The following HUNK variants were observed in gnomAD, a reference collection of about 807,000 sequenced individuals.
HUNK encodes hormonally up-regulated neu tumor-associated kinase.
A neutral mutation model predicts 61.0 loss-of-function variants in HUNK; 21 were observed. The observed-to-expected ratio is 0.34, with a 90% CI of 0.24 to 0.50. The LOEUF (loss-of-function observed/expected upper bound fraction) is 0.50. HUNK is among the 20% of genes least tolerant of loss of function. The probability of loss-of-function intolerance (pLI) is 0.98; values close to 1 mark genes in which losing one functional copy is unlikely to be tolerated. For missense variants in HUNK, 772 were observed against 945.7 expected (o/e 0.82, Z 2.41); for synonymous variants, 371 against 386.1 (o/e 0.96, Z 0.46).
chr21:31,980,482 T>G (rs2053089355), intron 7 of HUNK, among the ~76,000 whole-genome samples: 1 of 151,826 alleles, frequency 6.6e-6, no homozygotes. Flanking sequence ...CTTCAAGCGA[T>G]TCTCCTGCCT....
intron 4 of HUNK, among the ~76,000 whole-genome samples, chr21:31,958,107 G>A (rs1253443906): frequency 1.3e-5 from 2 of 152,080 alleles, no homozygotes; most frequent in Admixed American, 1.3e-4. Context: ...TCTCCCAGGT[G>A]TTTCTTACAT....
chr21:31,881,858 G>A (rs375816873), intron 1 of HUNK, among the ~76,000 whole-genome samples: 8 of 152,148 alleles, frequency 5.3e-5, no homozygotes, highest in African/African-American at 1.4e-4. Flanking sequence ...TGTGCCACAC[G>A]CTGGGGGATT....
At chr21:31,888,676 G>A (rs1250290236) in intron 1 of HUNK, among the ~76,000 whole-genome samples, 1 of 152,004 alleles carries the variant, frequency 6.6e-6, no homozygotes, top group African/African-American at 2.4e-5. Flanking sequence ...GGAGGCGGAG[G>A]TTATGGTGAG....
intron 8 of HUNK, 45 bp from the exon 9 acceptor site, chr21:31,990,084 G>A: frequency 6.5e-7 from 1 of 1,547,380 alleles, no homozygotes; most frequent in Non-Finnish European, 8.9e-7. Flanking sequence ...GGAATAAATA[G>A]CAGGTGCAGA....
intron 1 of HUNK, among the ~76,000 whole-genome samples, chr21:31,896,857 A>T (rs967837715): frequency 6.6e-6 from 1 of 152,224 alleles, no homozygotes; most frequent in African/African-American, 2.4e-5. Flanking sequence ...CTTTAGGAAC[A>T]CTCTTAAAGT....
chr21:31,997,027 G>C (rs1035938334), intron 10 of HUNK, among the ~76,000 whole-genome samples: 2 of 152,192 alleles, frequency 1.3e-5, no homozygotes, highest in South Asian at 2.1e-4. Context: ...TTTCATTTCG[G>C]TGCCTGTGTG....
chr21:31,882,623 T>C (rs1378758593), intron 1 of HUNK, among the ~76,000 whole-genome samples: 1 of 152,212 alleles, frequency 6.6e-6, no homozygotes, highest in East Asian at 1.9e-4. Flanking sequence ...AGCCAGAGTA[T>C]CGGCGTGTCC....
At chr21:31,949,649 C>T (rs1201253305) in intron 4 of HUNK, among the ~76,000 whole-genome samples, 1 of 152,138 alleles carries the variant, frequency 6.6e-6, no homozygotes, top group Non-Finnish European at 1.5e-5. Flanking sequence ...GGTCCCCTGT[C>T]TTAGTCTGTC....
intron 1 of HUNK, among the ~76,000 whole-genome samples, chr21:31,889,727 G>T (rs897671783): frequency 4.6e-5 from 7 of 152,122 alleles, no homozygotes; most frequent in African/African-American, 1.4e-4. Context: ...GGAAGGTGCT[G>T]GATGGCTATT....
intron 2 of HUNK, among the ~76,000 whole-genome samples, chr21:31,931,921 C>T (rs560549117): frequency 2.0e-5 from 3 of 151,988 alleles, no homozygotes; most frequent in East Asian, 1.9e-4. Flanking sequence ...CATGCACGCG[C>T]GCACACACAC....
chr21:31,946,544 C>T (rs2052804525), intron 4 of HUNK, among the ~76,000 whole-genome samples: 1 of 152,104 alleles, frequency 6.6e-6, no homozygotes, highest in African/African-American at 2.4e-5. Context: ...ACTTGCTCGC[C>T]CATCTCTCCT....
Position 31,999,285 on chromosome 21 carries a change from TC to T in HUNK, c.*103del. 1 of 1,065,754 alleles carries T rather than the reference TC, an allele frequency of 9.4e-7. No homozygotes were observed. The highest frequency in any genetic ancestry group is 1.4e-6 in the Non-Finnish European group (1 of 729,978). 66.0% of individuals were successfully genotyped at this position (1,065,754 alleles called of 1,614,324 possible). On this transcript the variant is annotated 3_prime_UTR_variant, in exon 11 of 11. Coordinates refer to ENST00000270112, the MANE Select transcript of HUNK (RefSeq NM_014586.2). ...GCACTCCAAGGCCTCGCGTGGAGCA[TC>T]CTTAGTCCCACCTGTAGCTGAATCC...
At chr21:31,899,026 C>G (rs575533969) in intron 1 of HUNK, among the ~76,000 whole-genome samples, 1 of 151,926 alleles carries the variant, frequency 6.6e-6, no homozygotes, top group African/African-American at 2.4e-5. Flanking sequence ...AAGTTCCCAC[C>G]CTCTTCCCTT....
chr21:31,931,294 A>G (rs1388008611), intron 2 of HUNK, among the ~76,000 whole-genome samples: 1 of 151,984 alleles, frequency 6.6e-6, no homozygotes, highest in African/African-American at 2.4e-5. Flanking sequence ...GCTGGGGGGC[A>G]TGCCCCCCAA....
chr21:31,922,771 A>G (rs937664135), intron 1 of HUNK, among the ~76,000 whole-genome samples: 1 of 152,170 alleles, frequency 6.6e-6, no homozygotes, highest in African/African-American at 2.4e-5. Context: ...ACATGTATTC[A>G]TCTGTATTTA....
chr21:31,979,310 G>A (rs1351122753), intron 7 of HUNK, among the ~76,000 whole-genome samples: 2 of 151,616 alleles, frequency 1.3e-5, no homozygotes, highest in African/African-American at 2.4e-5. Flanking sequence ...GTAGAGACGG[G>A]GTTTCACCAT....
rs1403061218 is a variant in HUNK at position 31,873,806 on chromosome 21, G to A, written c.132G>A (p.Val44=). 2 of 1,567,676 alleles carry A rather than the reference G, an allele frequency of 1.3e-6. No individual in the cohort carries two copies. The highest frequency in any genetic ancestry group is 1.4e-5 in the African/African-American group (1 of 71,304). ...GSFLPAWVSG[V]PRERLRDFQH... ...TCCTGCCTGCCTGGGTGAGCGGCGTGCCCCGCGAGCGGCTCCGCGACTTCC... is the reference window on the plus strand; with the variant it reads ...TCCTGCCTGCCTGGGTGAGCGGCGTACCCCGCGAGCGGCTCCGCGACTTCC... Residue 44 remains valine (V), a synonymous_variant, in exon 1 of 11, where the codon GTG becomes GTA. Transcript: ENST00000270112. The surrounding 1 kb of genome is among the most constrained non-coding windows in gnomAD (Gnocchi z 6.1).
intron 1 of HUNK, among the ~76,000 whole-genome samples, chr21:31,911,060 T>C (rs906033848): frequency 1.3e-5 from 2 of 152,302 alleles, no homozygotes; most frequent in Middle Eastern, 3.4e-3. Flanking sequence ...GGCTGGAATT[T>C]TGGGGGAGGA....
intron 1 of HUNK, among the ~76,000 whole-genome samples, chr21:31,874,596 C>T (rs2052245931): frequency 6.6e-6 from 1 of 150,648 alleles, no homozygotes; most frequent in African/African-American, 2.4e-5. Flanking sequence ...CCTGCCCCCT[C>T]ATCACCCACC....
Sources: allele counts gnomAD v4.1 joint callset (sites outside exome capture counted in the v4.1 genomes callset), GRCh38; gene constraint gnomAD v4.1.1; non-coding constraint Gnocchi (gnomAD v3.1); transcripts MANE v1.5; gene names NCBI Gene and HGNC (gene_info 2026-07-23, HGNC 2026-07-21).